INPP4B: variants seen among roughly 807,000 people sequenced by gnomAD.
The protein encoded by INPP4B is inositol polyphosphate-4-phosphatase type II B.
Under a neutral mutation model 122.5 loss-of-function variants are expected in INPP4B, and 55 were observed. That is an observed-to-expected ratio of 0.45 (90% CI 0.36 to 0.56). The LOEUF is 0.56. Among genes scored for constraint, INPP4B ranks in the 20% least tolerant of loss-of-function variants. The pLI is 0.00. For synonymous variants in INPP4B, 403 were observed against 388.7 expected, an observed-to-expected ratio of 1.04 and a Z score of -0.43; for missense variants, 1,000 against 1,097.7, an observed-to-expected ratio of 0.91 and a Z score of 1.26.
intron 25 of INPP4B, 111 bp downstream of exon 25, chr4:142,081,920 G>T (rs1774084435): frequency 3.4e-5 from 23 of 686,100 alleles, no homozygotes; most frequent in Non-Finnish European, 5.1e-5. Flanking sequence ...TGAAAATGCA[G>T]TAAAGTTCTA....
chr4:142,599,987 A>C (rs890922037), intron 2 of INPP4B, among the ~76,000 whole-genome samples: 3 of 152,094 alleles, frequency 2.0e-5, no homozygotes, highest in Admixed American at 2.0e-4. Context: ...ATAAAAAAGA[A>C]TAAAAAGAAT....
intron 9 of INPP4B, among the ~76,000 whole-genome samples, chr4:142,272,545 T>C (rs1746375952): frequency 6.6e-6 from 1 of 152,048 alleles, no homozygotes; most frequent in Non-Finnish European, 1.5e-5. Flanking sequence ...AGAGAGCAAG[T>C]ATTTATCACA....
intron 2 of INPP4B, among the ~76,000 whole-genome samples, chr4:142,548,435 T>C (rs1727145799): frequency 6.6e-6 from 1 of 152,138 alleles, no homozygotes; most frequent in Admixed American, 6.6e-5. Context: ...AAGATCAATA[T>C]ATAAATTCCT....
At chr4:142,314,811 A>C in intron 7 of INPP4B, 49 bp from the exon 8 acceptor site, 1 of 1,474,592 alleles carries the variant, frequency 6.8e-7, no homozygotes, top group South Asian at 1.3e-5. Flanking sequence ...AAACTAGTGC[A>C]GAAGCCTCGC....
intron 3 of INPP4B, among the ~76,000 whole-genome samples, chr4:142,460,465 C>T (rs17016156): frequency 0.027 from 4,067 of 152,156 alleles, 173 homozygotes; most frequent in African/African-American, 0.093. Context: ...TTATTCAATC[C>T]GGCTGGAATA....
intron 2 of INPP4B, among the ~76,000 whole-genome samples, chr4:142,478,255 A>G (rs1820055723): frequency 6.6e-6 from 1 of 152,120 alleles, no homozygotes; most frequent in East Asian, 1.9e-4. Context: ...TCCTATTTGG[A>G]TGACTTTTAT....
At chr4:142,330,432 T>C (rs1774025960) in intron 7 of INPP4B, among the ~76,000 whole-genome samples, 1 of 152,242 alleles carries the variant, frequency 6.6e-6, no homozygotes. Context: ...GAGTGGTAAC[T>C]GCCTGTGAGA....
intron 2 of INPP4B, among the ~76,000 whole-genome samples, chr4:142,489,078 T>C (rs952559250): frequency 1.3e-5 from 2 of 152,174 alleles, no homozygotes; most frequent in East Asian, 3.8e-4. Context: ...GATTGAAGCA[T>C]TTTCTAATTT....
intron 25 of INPP4B, among the ~76,000 whole-genome samples, chr4:142,078,964 T>C (rs1358991143): frequency 6.6e-6 from 1 of 152,020 alleles, no homozygotes; most frequent in Non-Finnish European, 1.5e-5. Context: ...TTTTTAAAAA[T>C]CCAGAGTTGT....
At chr4:142,829,858 T>A (rs1781902274) in intron 1 of INPP4B, among the ~76,000 whole-genome samples, 1 of 152,156 alleles carries the variant, frequency 6.6e-6, no homozygotes, top group Non-Finnish European at 1.5e-5. Flanking sequence ...ACATGAGAAT[T>A]TAGTAACGGG....
intron 7 of INPP4B, among the ~76,000 whole-genome samples, chr4:142,341,996 T>A (rs1778855177): frequency 6.6e-6 from 1 of 152,212 alleles, no homozygotes; most frequent in African/African-American, 2.4e-5. Context: ...GGCAGAGGAC[T>A]GTGCTAAGAC....
At chr4:142,701,666 C>T (rs903109058) in intron 2 of INPP4B, among the ~76,000 whole-genome samples, 1 of 151,964 alleles carries the variant, frequency 6.6e-6, no homozygotes, top group Non-Finnish European at 1.5e-5. Flanking sequence ...AGATACCTTC[C>T]TGAACCATTG....
intron 16 of INPP4B, among the ~76,000 whole-genome samples, chr4:142,167,079 A>G (rs192691967): frequency 6.6e-6 from 1 of 152,064 alleles, no homozygotes; most frequent in Non-Finnish European, 1.5e-5. Flanking sequence ...TCTATAATAA[A>G]GATACATGCT....
intron 1 of INPP4B, among the ~76,000 whole-genome samples, chr4:142,806,006 T>C (rs1401303580): frequency 6.6e-6 from 1 of 151,922 alleles, no homozygotes; most frequent in Non-Finnish European, 1.5e-5. Flanking sequence ...AGAGGCCGGG[T>C]GCAGTAGCTC....
intron 2 of INPP4B, among the ~76,000 whole-genome samples, chr4:142,472,494 C>T (rs941950620): frequency 6.6e-6 from 1 of 152,178 alleles, no homozygotes; most frequent in Non-Finnish European, 1.5e-5. Context: ...AAAAGTTCCT[C>T]TTTAATACTG....
chr4:142,453,153 G>A (rs950561612), intron 3 of INPP4B, among the ~76,000 whole-genome samples: 1 of 152,122 alleles, frequency 6.6e-6, no homozygotes, highest in African/African-American at 2.4e-5. Flanking sequence ...AATTTGGCTG[G>A]AGATTCTTTT....
chr4:142,051,281 G>T (rs1040226701), intron 25 of INPP4B, among the ~76,000 whole-genome samples: 1 of 151,840 alleles, frequency 6.6e-6, no homozygotes, highest in Non-Finnish European at 1.5e-5. Context: ...ATCATCTACT[G>T]GCTAAAATTC....
At chr4:142,767,771 T>C (rs903141482) in intron 1 of INPP4B, 2 of 152,062 alleles carry the variant, frequency 1.3e-5, no homozygotes, top group Non-Finnish European at 2.9e-5. Flanking sequence ...CTTCCAAGAG[T>C]GTACAGAATG....
intron 25 of INPP4B, among the ~76,000 whole-genome samples, chr4:142,065,689 G>A (rs192499371): frequency 5.8e-4 from 89 of 152,242 alleles, no homozygotes; most frequent in Non-Finnish European, 9.9e-4. Context: ...ATGGCATTTG[G>A]GGAGACACTG....
Sources: allele counts gnomAD v4.1 joint callset (sites outside exome capture counted in the v4.1 genomes callset), GRCh38; gene constraint gnomAD v4.1.1; transcripts MANE v1.5; gene names NCBI Gene and HGNC (gene_info 2026-07-23, HGNC 2026-07-21).